The following CASD1 variants were observed in gnomAD, a reference collection of about 807,000 sequenced individuals.
CASD1 encodes the protein N-acetylneuraminate (7)9-O-acetyltransferase.
CASD1 carries 41 observed loss-of-function variants against 100.0 expected under a neutral mutation model. That is an observed-to-expected ratio of 0.41 (90% CI 0.32 to 0.53). The LOEUF is 0.53. Ranked by LOEUF, CASD1 falls within the 20% of genes least tolerant of loss-of-function variation. The pLI, the probability that CASD1 is intolerant of heterozygous loss-of-function variation, is 0.25. For synonymous variants in CASD1, 321 were observed against 315.6 expected, an observed-to-expected ratio of 1.02 and a Z score of -0.18; for missense variants, 774 against 948.7, an observed-to-expected ratio of 0.82 and a Z score of 2.42.
intron 1 of CASD1, among the ~76,000 whole-genome samples, chr7:94,510,715 G>T (rs1419958320): frequency 2.6e-5 from 4 of 152,240 alleles, no homozygotes; most frequent in African/African-American, 7.2e-5. Context: ...CCTCTGCCCT[G>T]TAACACCCAG....
intron 9 of CASD1, 94 bp downstream of exon 9, chr7:94,537,988 C>T: frequency 1.4e-6 from 1 of 727,922 alleles, no homozygotes; most frequent in South Asian, 1.9e-5. Flanking sequence ...TGACAAAATA[C>T]ACAAACAGGT....
the CASD1 span, among the ~76,000 whole-genome samples, chr7:94,607,662 C>T: frequency 1.4e-4 from 21 of 152,222 alleles, no homozygotes; most frequent in East Asian, 3.9e-3. Flanking sequence ...AATTTGATAC[C>T]TACAGCTAAC....
At chr7:94,533,897 A>C (rs1385035015) in intron 7 of CASD1, 95 bp downstream of exon 7, 1 of 1,126,360 alleles carries the variant, frequency 8.9e-7, no homozygotes. Flanking sequence ...TTACTGCTTT[A>C]TGAGAATTAA....
chr7:94,543,518 G>C (rs1795522099), intron 10 of CASD1, among the ~76,000 whole-genome samples: 1 of 152,120 alleles, frequency 6.6e-6, no homozygotes, highest in African/African-American at 2.4e-5. Context: ...AGCTGGATGT[G>C]GTGGCGGGTG....
chr7:94,577,334 C>A, the CASD1 span, among the ~76,000 whole-genome samples: 6 of 152,174 alleles, frequency 3.9e-5, no homozygotes, highest in Non-Finnish European at 8.8e-5. Flanking sequence ...CTTTTGTAAA[C>A]TAATCCTTTA....
At chr7:94,619,243 A>C in the CASD1 span, 2 of 278,786 alleles carry the variant, frequency 7.2e-6, no homozygotes, top group Admixed American at 4.9e-5. Context: ...GAAAAGCTAA[A>C]TCTACATTTT....
chr7:94,550,999 G>C (rs573261931), intron 14 of CASD1, among the ~76,000 whole-genome samples: 1 of 152,018 alleles, frequency 6.6e-6, no homozygotes, highest in African/African-American at 2.4e-5. Context: ...TTTCATCTTT[G>C]TTGGGTGCAT....
At chr7:94,560,575 A>G (rs1796323482), downstream of CASD1, among the ~76,000 whole-genome samples, 1 of 152,214 alleles carries the variant, frequency 6.6e-6, no homozygotes. Context: ...GTAAAGTTGT[A>G]TATTTGGATA....
chr7:94,578,098 T>A, the CASD1 span, among the ~76,000 whole-genome samples: 2 of 152,306 alleles, frequency 1.3e-5, no homozygotes, highest in Non-Finnish European at 2.9e-5. Context: ...CCACCCTGGA[T>A]TGCTAAAAGT....
chr7:94,593,592 A>G, the CASD1 span, among the ~76,000 whole-genome samples: 3 of 151,930 alleles, frequency 2.0e-5, no homozygotes, highest in South Asian at 2.1e-4. Context: ...CATTTTTTCA[A>G]TGGCTTTTAG....
At chr7:94,626,580 A>C in the CASD1 span, 1 of 152,026 alleles carries the variant, frequency 6.6e-6, no homozygotes, top group African/African-American at 2.4e-5. Context: ...ATGATCTCAC[A>C]GTTCACTGCT....
rs570379844 is a variant in CASD1 at position 94,517,114 on chromosome 7, G to A, written c.134-446G>A. On this transcript the variant is annotated intron_variant, in intron 1 of 17. Coordinates refer to ENST00000297273, the MANE Select transcript of CASD1 (RefSeq NM_022900.5). ...AGATGGTGTTTCACCATGTTGGCCAGGCTGGTCTCAAACACTCGACCTCGA... is the reference window on the plus strand; with the variant it reads ...AGATGGTGTTTCACCATGTTGGCCAAGCTGGTCTCAAACACTCGACCTCGA... Among the ~76,000 whole-genome samples the A allele has an allele frequency of 6.8e-4, 104 of 152,180 alleles. 1 individual carries two copies. Among genetic ancestry groups the A allele is most frequent in the African/African-American group, 2.5e-3 (103 of 41,528 alleles).
At chr7:94,588,567 A>G in the CASD1 span, 4 of 1,530,918 alleles carry the variant, frequency 2.6e-6, no homozygotes, top group Non-Finnish European at 3.5e-6. Context: ...TGATTAAGGA[A>G]TGACACAAGT....
At position 94,509,914 on chromosome 7, in the gene CASD1, G is replaced by A; in HGVS notation, c.-171G>A. 3 of 1,125,182 alleles carry A rather than the reference G, an allele frequency of 2.7e-6. No individual in the cohort carries two copies. Among genetic ancestry groups the A allele is most frequent in the Admixed American group, 5.0e-5 (1 of 20,084 alleles). 69.7% of individuals were successfully genotyped at this position (1,125,182 alleles called of 1,614,324 possible). On this transcript the variant is annotated 5_prime_UTR_variant, in exon 1 of 18. Transcript: ENST00000297273. ...CGCGGCCGAGGAGGGGCAGGCGGAG[G>A]TCGGGGGCGCCGCGGCCGCGGGGTC...
At chr7:94,572,444 A>G in the CASD1 span, among the ~76,000 whole-genome samples, 18 of 152,060 alleles carry the variant, frequency 1.2e-4, no homozygotes, top group Non-Finnish European at 1.9e-4. Context: ...TAGGAATGCT[A>G]GTGATTTTTG....
intron 3 of CASD1, among the ~76,000 whole-genome samples, chr7:94,522,470 CACTT>C (rs1226696941): frequency 1.3e-5 from 2 of 152,168 alleles, no homozygotes; most frequent in Non-Finnish European, 2.9e-5. Flanking sequence ...GGCAAATTCT[CACTT>C]ACAGTGGGAG....
chr7:94,553,985 T>C (rs1796080210), intron 16 of CASD1: 1 of 152,230 alleles, frequency 6.6e-6, no homozygotes. Context: ...CAAGACATCA[T>C]TCGCCAGGCC....
chr7:94,586,280 C>T, the CASD1 span, among the ~76,000 whole-genome samples: 1 of 151,914 alleles, frequency 6.6e-6, no homozygotes, highest in Non-Finnish European at 1.5e-5. Flanking sequence ...AATGTAGCTG[C>T]CTCTATGCAG....
the CASD1 span, among the ~76,000 whole-genome samples, chr7:94,610,678 T>G: frequency 6.6e-6 from 1 of 152,108 alleles, no homozygotes; most frequent in Non-Finnish European, 1.5e-5. Flanking sequence ...ATAAAAAAGT[T>G]CTGTGCTTCA....
Sources: gnomAD v4.1 joint callset for allele counts (sites outside exome capture counted in the v4.1 genomes callset) on GRCh38, gnomAD v4.1.1 for gene constraint, MANE v1.5 for transcripts, NCBI Gene and HGNC (gene_info 2026-07-23, HGNC 2026-07-21) for gene names.